ZNF678: variants seen among roughly 807,000 people sequenced by gnomAD.
The protein encoded by ZNF678 is hypothetical protein MGC42493.
In ZNF678, 5 loss-of-function variants were observed where a neutral mutation model predicts 3.0. The ratio of observed to expected loss-of-function variants is 1.69; its 90% CI spans 0.88 to 3.56. ZNF678 has a LOEUF of 3.56. ZNF678 is among the 30% of genes most tolerant of loss of function. The pLI, the probability that ZNF678 is intolerant of heterozygous loss-of-function variation, is 0.00. For missense variants in ZNF678, 593 were observed against 605.0 expected (o/e 0.98, Z 0.21); for synonymous variants, 218 against 199.6 (o/e 1.09, Z -0.78).
intron 1 of ZNF678, among the ~76,000 whole-genome samples, chr1:227,615,350 G>A (rs3010192): frequency 0.48 from 72,626 of 151,928 alleles, 18,610 homozygotes; most frequent in African/African-American, 0.66. Flanking sequence ...TACAGCCTAC[G>A]CCTTTTGGAA....
At chr1:227,570,193 T>C (rs1160873776) in intron 1 of ZNF678, among the ~76,000 whole-genome samples, 1 of 152,208 alleles carries the variant, frequency 6.6e-6, no homozygotes, top group Non-Finnish European at 1.5e-5. Flanking sequence ...TGAGTGTGGC[T>C]CCCACTGAGT....
chr1:227,653,449 A>G (rs1207682965), intron 3 of ZNF678, among the ~76,000 whole-genome samples: 4 of 151,890 alleles, frequency 2.6e-5, no homozygotes, highest in Non-Finnish European at 5.9e-5. Context: ...AATTTTTTAG[A>G]TAATTTATAC....
Position 227,649,265 on chromosome 1 carries a change from A to C in ZNF678, c.-36-1691A>C, listed in dbSNP as rs142315764. 4.6e-3 allele frequency among the ~76,000 whole-genome samples: 701 copies of C among 152,244 alleles called. 19 individuals carry two copies. The South Asian group carries it at 0.057, about 12-fold the overall frequency. On this transcript the variant is annotated intron_variant, in intron 2 of 3. Coordinates refer to ENST00000343776, the MANE Select transcript of ZNF678 (RefSeq NM_001367909.1). ...TTTATGATACTTGTATCTTTTTCTAAGAGCCTTCATACTAATTTTTATAAC... is the reference window on the plus strand; with the variant it reads ...TTTATGATACTTGTATCTTTTTCTACGAGCCTTCATACTAATTTTTATAAC...
chr1:227,596,947 GT>G (rs1323304296), intron 1 of ZNF678, among the ~76,000 whole-genome samples: 2 of 152,076 alleles, frequency 1.3e-5, no homozygotes, highest in African/African-American at 4.8e-5. Flanking sequence ...CATAATAAAA[GT>G]TTTTTCTAAA....
At chr1:227,566,644 C>T (rs969923689) in intron 1 of ZNF678, among the ~76,000 whole-genome samples, 2 of 152,140 alleles carry the variant, frequency 1.3e-5, no homozygotes, top group African/African-American at 4.8e-5. Context: ...AGTTTGTCAC[C>T]TTAAAAAGAT....
At position 227,656,578 on chromosome 1, in the gene ZNF678, A is replaced by G. The variant is rs546962038; in HGVS notation, c.*750A>G. On this transcript the variant is annotated 3_prime_UTR_variant, in exon 4 of 4. Coordinates refer to ENST00000343776, the MANE Select transcript of ZNF678 (RefSeq NM_001367909.1). ...ATGACCATCATTTATATGCTTTTTCATGAATGATTAAGGGCACCGAAATGT... is the reference window on the plus strand; with the variant it reads ...ATGACCATCATTTATATGCTTTTTCGTGAATGATTAAGGGCACCGAAATGT... The G allele has an allele frequency of 5.3e-5, 8 of 151,984 alleles. No homozygotes were observed. The South Asian group carries it at 1.4e-3, about 28-fold the overall frequency. 9.4% of individuals were successfully genotyped at this position (151,984 alleles called of 1,614,324 possible).
At chr1:227,597,128 A>G (rs1015306422) in intron 1 of ZNF678, among the ~76,000 whole-genome samples, 17 of 152,230 alleles carry the variant, frequency 1.1e-4, no homozygotes, top group African/African-American at 3.1e-4. Context: ...CTTTGTTTCT[A>G]TAGATTATAG....
At chr1:227,637,945 C>G (rs1658721191) in intron 1 of ZNF678, among the ~76,000 whole-genome samples, 1 of 152,120 alleles carries the variant, frequency 6.6e-6, no homozygotes, top group Admixed American at 6.5e-5. Context: ...CCCAATACCC[C>G]TGTTCTGTCA....
chr1:227,654,214 CAT>C (rs2102804957), intron 3 of ZNF678, 120 bp from the exon 4 acceptor site: 1 of 771,632 alleles, frequency 1.3e-6, no homozygotes, highest in African/African-American at 1.8e-5. Context: ...GGAATCATGG[CAT>C]GTGATATTTT....
chr1:227,598,938 C>G, intron 1 of ZNF678: 2 of 793,204 alleles, frequency 2.5e-6, no homozygotes, highest in Non-Finnish European at 4.4e-6. Context: ...CTTTCTAGTT[C>G]TTTCTTCCAG....
At chr1:227,644,776 A>G (rs1388784610) in intron 1 of ZNF678, among the ~76,000 whole-genome samples, 1 of 146,566 alleles carries the variant, frequency 6.8e-6, no homozygotes, top group Admixed American at 7.0e-5. Flanking sequence ...AATTAGGATC[A>G]CATGGCCAGT....
intron 1 of ZNF678, among the ~76,000 whole-genome samples, chr1:227,572,691 G>A (rs1205634842): frequency 7.9e-5 from 12 of 152,268 alleles, no homozygotes; most frequent in African/African-American, 2.9e-4. Context: ...GGGCCTTTCC[G>A]GAGCCCCAAG....
At chr1:227,633,794 C>T (rs993024761) in intron 1 of ZNF678, among the ~76,000 whole-genome samples, 3 of 152,156 alleles carry the variant, frequency 2.0e-5, no homozygotes, top group Non-Finnish European at 4.4e-5. Context: ...ACAGTCTAGG[C>T]CACAAAGACT....
chr1:227,590,398 C>T (rs114163585), intron 1 of ZNF678, among the ~76,000 whole-genome samples: 3 of 151,630 alleles, frequency 2.0e-5, no homozygotes, highest in Admixed American at 6.6e-5. Context: ...AGTTTCTTGC[C>T]GGGCCAGAAC....
intron 3 of ZNF678, 124 bp downstream of exon 3, chr1:227,651,200 G>C (rs945585494): frequency 9.4e-7 from 1 of 1,066,268 alleles, no homozygotes; most frequent in African/African-American, 1.6e-5. Context: ...GTCTTTGGTG[G>C]GCTTATTACC....
chr1:227,605,049 G>C (rs1187751864), intron 1 of ZNF678, among the ~76,000 whole-genome samples: 1 of 151,868 alleles, frequency 6.6e-6, no homozygotes, highest in Non-Finnish European at 1.5e-5. Context: ...TAGAGACCGG[G>C]TTTCACCATG....
intron 1 of ZNF678, among the ~76,000 whole-genome samples, chr1:227,642,709 G>A (rs2102792654): frequency 6.6e-6 from 1 of 151,854 alleles, no homozygotes; most frequent in East Asian, 1.9e-4. Context: ...GATTCTGTGA[G>A]ACATTTAGGG....
At position 227,651,081 on chromosome 1, in the gene ZNF678, A is replaced by C; in HGVS notation, c.85+5A>C. ...TTTATAAACTGGTTTATACAGGTAA[A>C]GATTTTATCCTATTGGGTCTCCAGG... On this transcript the variant is annotated splice_donor_5th_base_variant and intron_variant, in intron 3 of 3. Coordinates refer to ENST00000343776, the MANE Select transcript of ZNF678 (RefSeq NM_001367909.1). The C allele has an allele frequency of 6.2e-7, 1 of 1,613,118 alleles. No individual in the cohort carries two copies. Among genetic ancestry groups the C allele is most frequent in the Non-Finnish European group, 8.5e-7 (1 of 1,179,486 alleles).
At chr1:227,649,877 G>A (rs1358703427) in intron 2 of ZNF678, among the ~76,000 whole-genome samples, 5 of 151,834 alleles carry the variant, frequency 3.3e-5, no homozygotes, top group African/African-American at 1.2e-4. Flanking sequence ...CATTATTATT[G>A]TGTTCCTTTT....
Sources: allele counts gnomAD v4.1 joint callset (sites outside exome capture counted in the v4.1 genomes callset), GRCh38; gene constraint gnomAD v4.1.1; transcripts MANE v1.5; gene names NCBI Gene and HGNC (gene_info 2026-07-23, HGNC 2026-07-21).